GRID1: variants seen among roughly 807,000 people sequenced by gnomAD.
The protein encoded by GRID1 is glutamate ionotropic receptor delta type subunit 1.
In GRID1, 28 loss-of-function variants were observed where a neutral mutation model predicts 98.0. The observed-to-expected ratio is 0.29, with a 90% CI of 0.21 to 0.39. The LOEUF (loss-of-function observed/expected upper bound fraction) is 0.39, where lower values mean the gene tolerates loss of function less well. Ranked by LOEUF, GRID1 falls within the 10% of genes least tolerant of loss-of-function variation. The pLI is 1.00. For synonymous variants in GRID1, 553 were observed against 538.5 expected (o/e 1.03, Z -0.37); for missense variants, 1,111 against 1,340.5 (o/e 0.83, Z 2.67).
intron 12 of GRID1, among the ~76,000 whole-genome samples, chr10:85,683,570 G>C (rs1374746128): frequency 6.6e-6 from 1 of 152,158 alleles, no homozygotes; most frequent in Non-Finnish European, 1.5e-5. Context: ...CTCATTAAAA[G>C]CAGCAGTTGT....
At chr10:86,286,957 A>G (rs948048679) in intron 2 of GRID1, among the ~76,000 whole-genome samples, 2 of 152,140 alleles carry the variant, frequency 1.3e-5, no homozygotes, top group Non-Finnish European at 2.9e-5. Flanking sequence ...GGCCACAGAC[A>G]TGGCCACCTG....
chr10:86,331,782 A>T (rs115867240), intron 2 of GRID1, among the ~76,000 whole-genome samples: 2 of 152,208 alleles, frequency 1.3e-5, no homozygotes, highest in Non-Finnish European at 2.9e-5. Flanking sequence ...TGAGAAACAT[A>T]CACCTACTGC....
At chr10:86,169,028 G>T (rs538485974) in intron 3 of GRID1, among the ~76,000 whole-genome samples, 105 of 152,332 alleles carry the variant, frequency 6.9e-4, no homozygotes, top group African/African-American at 2.5e-3. Context: ...GCACAATGCC[G>T]GTGCAGAAAG....
chr10:85,957,730 G>A (rs774828956), intron 4 of GRID1, among the ~76,000 whole-genome samples: 8 of 152,170 alleles, frequency 5.3e-5, no homozygotes, highest in Non-Finnish European at 7.4e-5. Context: ...TGCAGGCCAT[G>A]CTCTCCCTGC....
At chr10:86,041,257 C>T (rs768319838) in intron 4 of GRID1, among the ~76,000 whole-genome samples, 2 of 152,190 alleles carry the variant, frequency 1.3e-5, no homozygotes, top group Non-Finnish European at 2.9e-5. Context: ...GTTGGGCAGG[C>T]CCTTGAGCCC....
intron 4 of GRID1, among the ~76,000 whole-genome samples, chr10:86,097,703 A>G (rs1844241372): frequency 6.6e-6 from 1 of 152,248 alleles, no homozygotes; most frequent in Non-Finnish European, 1.5e-5. Context: ...AAAAGAATAA[A>G]TAATAACTAT....
intron 2 of GRID1, among the ~76,000 whole-genome samples, chr10:86,238,202 T>A (rs1355785729): frequency 6.6e-6 from 1 of 152,202 alleles, no homozygotes; most frequent in Non-Finnish European, 1.5e-5. Context: ...ATGGGGAAAA[T>A]GCCTCAAAGG....
intron 12 of GRID1, among the ~76,000 whole-genome samples, chr10:85,710,887 C>T (rs1329180350): frequency 6.6e-6 from 1 of 151,888 alleles, no homozygotes; most frequent in Non-Finnish European, 1.5e-5. Flanking sequence ...TGTGGAAATG[C>T]AAACCATAAC....
intron 2 of GRID1, among the ~76,000 whole-genome samples, chr10:86,337,611 G>T (rs1255164843): frequency 7.2e-5 from 11 of 151,974 alleles, no homozygotes; most frequent in African/African-American, 2.7e-4. Context: ...GCTCCTCGTG[G>T]TGGCCTGGAA....
intron 12 of GRID1, among the ~76,000 whole-genome samples, chr10:85,714,199 A>C (rs1841612788): frequency 6.6e-6 from 1 of 152,108 alleles, no homozygotes; most frequent in South Asian, 2.1e-4. Context: ...ATGGAAGTTA[A>C]ACAACAAGAA....
intron 3 of GRID1, among the ~76,000 whole-genome samples, chr10:86,185,021 G>T (rs971183586): frequency 6.6e-6 from 1 of 152,106 alleles, no homozygotes; most frequent in Admixed American, 6.5e-5. Flanking sequence ...AAAAGAAGAA[G>T]CATGCTGAGA....
At chr10:85,673,698 G>C (rs916874999) in intron 12 of GRID1, among the ~76,000 whole-genome samples, 1 of 152,126 alleles carries the variant, frequency 6.6e-6, no homozygotes, top group African/African-American at 2.4e-5. Flanking sequence ...ATACTTAATA[G>C]ACTACAGTAT....
At chr10:85,917,006 A>T (rs1408696355) in intron 4 of GRID1, among the ~76,000 whole-genome samples, 1 of 152,208 alleles carries the variant, frequency 6.6e-6, no homozygotes, top group African/African-American at 2.4e-5. Flanking sequence ...AACATTGTTG[A>T]TTATGCAAAT....
chr10:86,237,643 T>A (rs1405435960), intron 2 of GRID1, among the ~76,000 whole-genome samples: 1 of 149,134 alleles, frequency 6.7e-6, no homozygotes, highest in Non-Finnish European at 1.5e-5. Context: ...GAGCTTGCAG[T>A]GAGCCAAGAT....
intron 3 of GRID1, among the ~76,000 whole-genome samples, chr10:86,164,003 C>T (rs923642541): frequency 6.6e-6 from 1 of 152,160 alleles, no homozygotes; most frequent in South Asian, 2.1e-4. Flanking sequence ...CCCTGCACCA[C>T]CCGGTGCTGC....
chr10:85,881,218 A>G (rs1564617373), intron 5 of GRID1, among the ~76,000 whole-genome samples: 1 of 152,212 alleles, frequency 6.6e-6, no homozygotes, highest in Non-Finnish European at 1.5e-5. Flanking sequence ...TTATAGATTC[A>G]ATGCCATCCC....
intron 15 of GRID1, among the ~76,000 whole-genome samples, chr10:85,611,323 C>T (rs1842730281): frequency 6.6e-6 from 1 of 152,204 alleles, no homozygotes; most frequent in South Asian, 2.1e-4. Flanking sequence ...CAGACAATGA[C>T]TTCCCATCCA....
At chr10:86,243,909 T>C (rs1197907032) in intron 2 of GRID1, among the ~76,000 whole-genome samples, 1 of 152,244 alleles carries the variant, frequency 6.6e-6, no homozygotes, top group African/African-American at 2.4e-5. Context: ...CCACCATCTC[T>C]GCACACACGT....
At chr10:85,818,725 ATTTT>A (rs199713936) in intron 8 of GRID1, among the ~76,000 whole-genome samples, 1 of 148,508 alleles carries the variant, frequency 6.7e-6, no homozygotes, top group East Asian at 2.0e-4. Context: ...AGCAATAGTA[ATTTT>A]TTTTTTTTGA....
Sources: gnomAD v4.1 joint callset for allele counts (sites outside exome capture counted in the v4.1 genomes callset) on GRCh38, gnomAD v4.1.1 for gene constraint, MANE v1.5 for transcripts, NCBI Gene and HGNC (gene_info 2026-07-23, HGNC 2026-07-21) for gene names.